Variants in SLC4A2 observed in about 807,000 individuals in gnomAD.
SLC4A2 encodes the protein solute carrier family 4 member 2.
In SLC4A2, 36 loss-of-function variants were observed where a neutral mutation model predicts 115.0. The ratio of observed to expected loss-of-function variants is 0.31; its 90% CI spans 0.24 to 0.41. The LOEUF is 0.41. SLC4A2 is among the 10% of genes least tolerant of loss of function. SLC4A2 has a pLI of 1.00. For synonymous variants in SLC4A2, 708 were observed against 708.3 expected (o/e 1.00, Z 0.01); for missense variants, 1,252 against 1,705.6 (o/e 0.73, Z 4.68).
intron 2 of SLC4A2, 88 bp from the exon 3 acceptor site, chr7:151,064,114 C>A: frequency 1.4e-6 from 2 of 1,406,146 alleles, no homozygotes; most frequent in Non-Finnish European, 2.0e-6. Context: ...GGGAGGGTTC[C>A]TGGGTCTCTG....
Position 151,075,879 on chromosome 7 carries a change from C to T in SLC4A2, c.3471+104C>T, listed in dbSNP as rs1797612676. ...CTCCCATCTGCCCAGTTCAGCCAGCCCCCACCTCCTCTCTGTACCAACCCA... is the reference window on the plus strand; with the variant it reads ...CTCCCATCTGCCCAGTTCAGCCAGCTCCCACCTCCTCTCTGTACCAACCCA... On this transcript the variant is annotated intron_variant, in intron 21 of 22. Coordinates refer to ENST00000413384, the MANE Select transcript of SLC4A2 (RefSeq NM_003040.4). 7 of 1,414,430 alleles carry T rather than the reference C, an allele frequency of 4.9e-6. No individual in the cohort carries two copies. The Admixed American group carries it at 1.2e-4, about 25-fold the overall frequency. The allele number at this position is 1,414,430 out of a possible 1,614,324, so 87.6% of individuals were successfully genotyped here. A position where few individuals can be genotyped will look rare whatever the true frequency, so the allele number is the denominator to read the frequency against.
At position 151,060,829 on chromosome 7, in the gene SLC4A2, A is replaced by C. The variant is rs1369199797; in HGVS notation, c.-64+1067A>C. Among the ~76,000 whole-genome samples, 1 of 151,576 alleles carries C rather than the reference A, an allele frequency of 6.6e-6. No homozygotes were observed. Among genetic ancestry groups the C allele is most frequent in the Non-Finnish European group, 1.5e-5 (1 of 67,840 alleles). ...GTTGCCAGGCTCCCCATCCTGGGTGACCCCCCCAGACCTATATTGTTTGAC... is the reference window on the plus strand; with the variant it reads ...GTTGCCAGGCTCCCCATCCTGGGTGCCCCCCCCAGACCTATATTGTTTGAC... On this transcript the variant is annotated intron_variant, in intron 1 of 22. Coordinates refer to ENST00000413384, the MANE Select transcript of SLC4A2 (RefSeq NM_003040.4). This position sits in a 1 kb window ranked among gnomAD's most constrained non-coding sequence, Gnocchi z 5.9.
chr7:151,070,681 C>T (rs373342178), intron 11 of SLC4A2, 46 bp from the exon 12 acceptor site: 27 of 1,605,398 alleles, frequency 1.7e-5, no homozygotes, highest in East Asian at 2.2e-5. Context: ...GACTGGAAGG[C>T]GGTCCTGCTG....
At position 151,067,832 on chromosome 7, in the gene SLC4A2, T is replaced by A. The variant is rs983058399; in HGVS notation, c.967-42T>A. The stretch of plus-strand genomic sequence containing the variant: ...CTCTGACACCCACCCCAGGGCTGCC[T>A]CCGGCTCTGTACCCTGAAATGCCTT... On this transcript the variant is annotated intron_variant, in intron 7 of 22. Transcript: ENST00000413384. 1.9e-6 allele frequency: 3 copies of A among 1,591,148 alleles called. No individual in the cohort carries two copies. The African/African-American group carries it at 4.1e-5, about 21-fold the overall frequency.
intron 8 of SLC4A2, 42 bp downstream of exon 8, chr7:151,068,096 G>T (rs1797298812): frequency 7.2e-7 from 1 of 1,387,138 alleles, no homozygotes; most frequent in African/African-American, 1.5e-5. Context: ...CCAGTCCCCA[G>T]GAAATTCTCC....
intron 2 of SLC4A2, chr7:151,063,192 G>C (rs1400797527): frequency 1.2e-4 from 170 of 1,441,340 alleles, no homozygotes; most frequent in Non-Finnish European, 1.5e-4. Context: ...TGACTCAGGT[G>C]GGGGCTGTGG....
In SLC4A2 at chr7:151,070,068, G is replaced by A; in HGVS notation, c.1269G>A (p.Leu423=). 4.3e-6 allele frequency: 7 copies of A among 1,614,080 alleles called. No individual in the cohort carries two copies. Among genetic ancestry groups the A allele is most frequent in the Non-Finnish European group, 5.9e-6 (7 of 1,179,952 alleles). ...ACAGGGCCAACGTGCTGCGGGCTCT[G>A]CTGTTGAAACACAGGTGAGGCCCTG... The part of the protein sequence containing the change: ...AEDRANVLRA[L]LLKHSHPSDE... The change falls in exon 9 of 23, where the codon CTG becomes CTA. Residue 423 remains leucine (L), a synonymous_variant. Transcript: ENST00000413384.
intron 8 of SLC4A2, among the ~76,000 whole-genome samples, chr7:151,069,159 A>AAAAAAAAAAAAAAAAG (rs1554451788): frequency 2.7e-5 from 4 of 147,950 alleles, no homozygotes; most frequent in African/African-American, 1.0e-4. Context: ...AAAAAAAAAA[A>AAAAAAAAAAAAAAAAG]GCAGCTGAGG....
chr7:151,076,196 C>T lies in SLC4A2; in HGVS notation c.3645+10C>T. ...CCGAGAGATGAAATGTGTAAGCCCT[C>T]CCGTCTGCCTCCCCCGGTTCCTCTT... On this transcript the variant is annotated intron_variant, in intron 22 of 22. Transcript: ENST00000413384. 1 of 1,611,946 alleles carries T rather than the reference C, an allele frequency of 6.2e-7. No homozygotes were observed. The highest frequency in any genetic ancestry group is 8.5e-7 in the Non-Finnish European group (1 of 1,179,422).
rs139999937 is a variant in SLC4A2 at position 151,066,333 on chromosome 7, G to C, written c.579-184G>C. Among the ~76,000 whole-genome samples, 727 of 152,346 alleles carry C rather than the reference G, an allele frequency of 4.8e-3. 3 individuals carry two copies. The highest frequency in any genetic ancestry group is 0.017 in the African/African-American group (700 of 41,588). On this transcript the variant is annotated intron_variant, in intron 5 of 22. Transcript: ENST00000413384. ...CACAGCCAGAAAAGGGTGGAGCTGGGGTTCGGATGCTGGCAGTCTGCATCC... is the reference window on the plus strand; with the variant it reads ...CACAGCCAGAAAAGGGTGGAGCTGGCGTTCGGATGCTGGCAGTCTGCATCC...
upstream of SLC4A2, chr7:151,058,258 T>G: frequency 3.8e-6 from 1 of 262,070 alleles, no homozygotes; most frequent in South Asian, 5.8e-5. Context: ...CGTTCCAGAA[T>G]GCAGCGGAAA....
chr7:151,074,466 G>A lies in SLC4A2; in HGVS notation c.2858G>A (p.Ser953Asn), dbSNP rs546247193. ...AILIMVLVDY[S>N]IEDTYTQKLS... ...CTCATCATGGTGCTTGTGGATTACA[G>A]TATTGAGGACACCTATACCCAGGTA... Residue 953 changes from serine to asparagine, a missense_variant, in exon 18 of 23, where the codon AGT (serine) becomes AAT (asparagine). Physicochemically the swap from Ser to Asn is conservative, Grantham distance 46. Transcript: ENST00000413384. The A allele has an allele frequency of 6.4e-5, 103 of 1,614,072 alleles. No individual in the cohort carries two copies. The South Asian group carries it at 1.1e-3, about 17-fold the overall frequency.
chr7:151,070,500 C>T lies in SLC4A2; in HGVS notation c.1493C>T (p.Ser498Phe), dbSNP rs763926347. 9.5e-5 allele frequency: 153 copies of T among 1,613,626 alleles called. 1 individual carries two copies. Among genetic ancestry groups the T allele is most frequent in the Non-Finnish European group, 1.2e-4 (138 of 1,179,890 alleles). ...GCACCACCAGCTGGCATCACCCGCT[C>T]CAAGTCCAAGCACGAGCTGAAACTG... ...PPAPPAGITR[S>F]KSKHELKLLE... Residue 498 changes from serine (S) to phenylalanine (F), a missense_variant, in exon 11 of 23, where the codon TCC becomes TTC. Physicochemically the swap from Ser to Phe is radical, Grantham distance 155. Coordinates refer to ENST00000413384, the MANE Select transcript of SLC4A2 (RefSeq NM_003040.4).
intron 2 of SLC4A2, 48 bp from the exon 3 acceptor site, chr7:151,064,154 A>G (rs201582225): frequency 2.5e-6 from 4 of 1,594,194 alleles, no homozygotes; most frequent in Non-Finnish European, 3.4e-6. Flanking sequence ...TTCGGGGTAC[A>G]ATTCCCAGTG....
chr7:151,072,639 A>G (rs534894060), intron 16 of SLC4A2, among the ~76,000 whole-genome samples: 1 of 151,598 alleles, frequency 6.6e-6, no homozygotes, highest in Admixed American at 6.6e-5. Flanking sequence ...CAATCTTTCA[A>G]AAACTCATAC....
intron 16 of SLC4A2, 177 bp from the exon 17 acceptor site, chr7:151,073,862 A>G: frequency 1.5e-6 from 1 of 672,952 alleles, no homozygotes; most frequent in East Asian, 2.7e-5. Flanking sequence ...TTTCTGCCCC[A>G]CACTGCCCTG....
intron 16 of SLC4A2, 99 bp from the exon 17 acceptor site, chr7:151,073,940 C>T: frequency 7.7e-7 from 1 of 1,303,774 alleles, no homozygotes; most frequent in South Asian, 1.4e-5. Context: ...AGCAGGCCAG[C>T]CTTTCCCCTG....
chr7:151,075,201 G>C (rs890831866), intron 19 of SLC4A2, 54 bp from the exon 20 acceptor site: 3 of 1,604,170 alleles, frequency 1.9e-6, no homozygotes, highest in Non-Finnish European at 2.5e-6. Flanking sequence ...AAGACCCTGT[G>C]GTCTGCGGAG....
Position 151,075,170 on chromosome 7 carries a change from G to A in SLC4A2, c.3048-85G>A, listed in dbSNP as rs34749505. On this transcript the variant is annotated intron_variant, in intron 19 of 22. Coordinates refer to ENST00000413384, the MANE Select transcript of SLC4A2 (RefSeq NM_003040.4). ...CGCCAGGTTCCAAAGCCAGATGGAG[G>A]GACTGGCTGGGCATTCTGGAAAGAC... 3,822 of 1,553,018 alleles carry A rather than the reference G, an allele frequency of 2.5e-3. 64 individuals are homozygous for A. The African/African-American group carries it at 0.042, about 17-fold the overall frequency.
Sources: allele counts gnomAD v4.1 joint callset (sites outside exome capture counted in the v4.1 genomes callset), GRCh38; gene constraint gnomAD v4.1.1; non-coding constraint Gnocchi (gnomAD v3.1); transcripts MANE v1.5; gene names NCBI Gene and HGNC (gene_info 2026-07-23, HGNC 2026-07-21).